CERS6: variants seen among roughly 807,000 people sequenced by gnomAD.
CERS6 encodes LAG1 homolog, ceramide synthase 6.
CERS6 carries 26 observed loss-of-function variants against 56.8 expected under a neutral mutation model. That is an observed-to-expected ratio of 0.46 (90% CI 0.34 to 0.63). The LOEUF is 0.63. Ranked by LOEUF, CERS6 falls within the 30% of genes least tolerant of loss-of-function variation. CERS6 has a pLI of 0.01. For missense variants in CERS6, 415 were observed against 467.5 expected (o/e 0.89, Z 1.04); for synonymous variants, 164 against 173.3 (o/e 0.95, Z 0.42).
chr2:168,669,902 A>G (rs1685865646), intron 4 of CERS6, among the ~76,000 whole-genome samples: 5 of 152,246 alleles, frequency 3.3e-5, no homozygotes. Context: ...GATTAGACAC[A>G]CTGGTCAAAC....
chr2:168,509,094 A>AT (rs1694732355), intron 1 of CERS6, among the ~76,000 whole-genome samples: 1 of 152,156 alleles, frequency 6.6e-6, no homozygotes, highest in South Asian at 2.1e-4. Flanking sequence ...AGACTAATTC[A>AT]TTCTTGGCAG....
chr2:168,645,110 AAAAAAAATAT>A (rs1685147929), intron 4 of CERS6, among the ~76,000 whole-genome samples: 1 of 58,916 alleles, frequency 1.7e-5, no homozygotes, highest in Non-Finnish European at 3.3e-5. Context: ...AAAAAAAAAA[AAAAAAAATAT>A]ATATATATAT....
chr2:168,524,134 A>G (rs1419781197), intron 1 of CERS6, among the ~76,000 whole-genome samples: 2 of 152,170 alleles, frequency 1.3e-5, no homozygotes, highest in Non-Finnish European at 2.9e-5. Context: ...GACATCTATT[A>G]TTTGTAACCT....
At chr2:168,541,944 T>C (rs1695380468) in intron 1 of CERS6, among the ~76,000 whole-genome samples, 1 of 152,222 alleles carries the variant, frequency 6.6e-6, no homozygotes, top group Admixed American at 6.5e-5. Context: ...AGGATGTGTT[T>C]TTCTATCAAA....
At chr2:168,739,750 CT>C (rs534593412) in intron 8 of CERS6, among the ~76,000 whole-genome samples, 302 of 146,132 alleles carry the variant, frequency 2.1e-3, no homozygotes, top group African/African-American at 4.6e-3. Context: ...AAGAAAGGAA[CT>C]TTTTTTTTTT....
intron 4 of CERS6, among the ~76,000 whole-genome samples, chr2:168,671,448 C>T (rs969370737): frequency 1.3e-5 from 2 of 152,082 alleles, no homozygotes; most frequent in African/African-American, 4.8e-5. Context: ...GTTATAGATG[C>T]CAATTTTCCC....
intron 3 of CERS6, among the ~76,000 whole-genome samples, chr2:168,572,983 A>G (rs908237531): frequency 6.6e-6 from 1 of 152,172 alleles, no homozygotes; most frequent in Admixed American, 6.6e-5. Context: ...GCTTGAGTTT[A>G]TTCTTTCAAA....
rs184493469 is a variant in CERS6, at chr2:168,599,397, T to A, written c.408-31588T>A. 2.4e-3 allele frequency among the ~76,000 whole-genome samples: 366 copies of A among 152,352 alleles called. 5 individuals carry two copies. The highest frequency in any genetic ancestry group is 2.1e-3 in the Non-Finnish European group (144 of 68,030). Reference sequence around the variant, plus strand: ...TTTGAAGAAGGGCAGTAAATTCTTATCCTTTCTGTATTTTTCTATTTGCAT... The same window carrying A: ...TTTGAAGAAGGGCAGTAAATTCTTAACCTTTCTGTATTTTTCTATTTGCAT... On this transcript the variant is annotated intron_variant, in intron 3 of 9. Transcript: ENST00000305747.
At chr2:168,585,923 T>C (rs1683530191) in intron 3 of CERS6, among the ~76,000 whole-genome samples, 1 of 152,206 alleles carries the variant, frequency 6.6e-6, no homozygotes, top group African/African-American at 2.4e-5. Flanking sequence ...GTTGCACAAC[T>C]AGGGCATTTA....
chr2:168,608,660 G>T (rs79338969), intron 3 of CERS6, among the ~76,000 whole-genome samples: 1 of 152,040 alleles, frequency 6.6e-6, no homozygotes, highest in Non-Finnish European at 1.5e-5. Context: ...TTGATTATTG[G>T]TAATTTATGT....
intron 1 of CERS6, among the ~76,000 whole-genome samples, chr2:168,513,776 CCTTT>C (rs1236162177): frequency 3.3e-5 from 5 of 152,180 alleles, no homozygotes; most frequent in Non-Finnish European, 7.3e-5. Context: ...CTCTTCCTTA[CCTTT>C]CTTTGTCTCT....
intron 4 of CERS6, among the ~76,000 whole-genome samples, chr2:168,650,672 A>ATTT (rs11399845): frequency 6.6e-6 from 1 of 150,382 alleles, no homozygotes. Context: ...CTTCCGGTGA[A>ATTT]TTTTTTTTTT....
intron 1 of CERS6, among the ~76,000 whole-genome samples, chr2:168,472,001 C>T (rs917368581): frequency 3.9e-5 from 6 of 152,084 alleles, no homozygotes; most frequent in South Asian, 2.1e-4. Flanking sequence ...TGAGTGCAGA[C>T]GCTGATTGAC....
intron 1 of CERS6, among the ~76,000 whole-genome samples, chr2:168,537,682 T>C (rs569648018): frequency 8.7e-4 from 132 of 152,336 alleles, no homozygotes; most frequent in African/African-American, 3.1e-3. Context: ...ATTTCTTGAA[T>C]CTCCTCCCGT....
At position 168,559,734 on chromosome 2, in the gene CERS6, C is replaced by CATAT. The variant is rs1491336787; in HGVS notation, c.277-1441_277-1438dup. Reference sequence around the variant, plus strand: ...GCTTGAGCTGCTTTTAGAAAGGTATCATATATATATATATATATATTTCAC... The same window carrying CATAT: ...GCTTGAGCTGCTTTTAGAAAGGTATCATATATATATATATATATATATATTTCAC... On this transcript the variant is annotated intron_variant, in intron 2 of 9. Transcript: ENST00000305747. Among the ~76,000 whole-genome samples, 15 of 85,508 alleles carry CATAT rather than the reference C, an allele frequency of 1.8e-4. 4 individuals are homozygous for CATAT. Among genetic ancestry groups the CATAT allele is most frequent in the Non-Finnish European group, 2.7e-4 (11 of 40,244 alleles). The allele number at this position is 85,508 out of a possible 152,430, so 56.1% of individuals were successfully genotyped here. A position where few individuals can be genotyped will look rare whatever the true frequency, so the allele number is the denominator to read the frequency against.
intron 3 of CERS6, among the ~76,000 whole-genome samples, chr2:168,570,097 G>A (rs986297633): frequency 2.6e-5 from 4 of 152,184 alleles, no homozygotes; most frequent in Middle Eastern, 3.4e-3. Context: ...CTCTGATGTC[G>A]ATCATTTTGA....
At chr2:168,671,582 T>C (rs1021243548) in intron 4 of CERS6, among the ~76,000 whole-genome samples, 4 of 152,230 alleles carry the variant, frequency 2.6e-5, no homozygotes, top group African/African-American at 9.6e-5. Flanking sequence ...TATAAAACAG[T>C]TTGATATTAC....
intron 4 of CERS6, among the ~76,000 whole-genome samples, chr2:168,687,106 G>A (rs1474003360): frequency 1.3e-5 from 2 of 152,090 alleles, no homozygotes; most frequent in African/African-American, 4.8e-5. Context: ...ACCTTTTAGG[G>A]GCACCGTCCC....
chr2:168,768,943 T>A (rs1215169494), intron 9 of CERS6, among the ~76,000 whole-genome samples: 1 of 151,220 alleles, frequency 6.6e-6, no homozygotes, highest in Admixed American at 6.6e-5. Context: ...AAAAAATGCT[T>A]CCTGCTGTCA....
Sources: allele counts gnomAD v4.1 joint callset (sites outside exome capture counted in the v4.1 genomes callset), GRCh38; gene constraint gnomAD v4.1.1; transcripts MANE v1.5; gene names NCBI Gene and HGNC (gene_info 2026-07-23, HGNC 2026-07-21).